The following PHYHD1 variants were observed in gnomAD, a reference collection of about 807,000 sequenced individuals.
PHYHD1 encodes the protein phytanoyl-CoA dioxygenase domain-containing protein 1.
PHYHD1 carries 42 observed loss-of-function variants against 43.6 expected under a neutral mutation model. That is an observed-to-expected ratio of 0.96 (90% CI 0.75 to 1.25). PHYHD1 has a LOEUF of 1.25. Ranked by LOEUF, PHYHD1 falls within the 50% of genes most tolerant of loss-of-function variation. The pLI, the probability that PHYHD1 is intolerant of heterozygous loss-of-function variation, is 0.00. For synonymous variants in PHYHD1, 139 were observed against 143.6 expected, an observed-to-expected ratio of 0.97 and a Z score of 0.23; for missense variants, 342 against 370.8, an observed-to-expected ratio of 0.92 and a Z score of 0.64.
At chr9:128,923,234 G>A (rs1386110283) in intron 3 of PHYHD1, among the ~76,000 whole-genome samples, 3 of 152,054 alleles carry the variant, frequency 2.0e-5, no homozygotes, top group Non-Finnish European at 2.9e-5. Context: ...GTGAGCCACC[G>A]TGCCCGGTCC....
At chr9:128,939,160 G>A (rs2131118077) in intron 9 of PHYHD1, among the ~76,000 whole-genome samples, 1 of 131,672 alleles carries the variant, frequency 7.6e-6, no homozygotes, top group Admixed American at 8.4e-5. Flanking sequence ...CAGAAAACAC[G>A]CAGTTGCCCG....
At chr9:128,940,921 C>T (rs967864403) in intron 11 of PHYHD1, among the ~76,000 whole-genome samples, 5 of 152,186 alleles carry the variant, frequency 3.3e-5, no homozygotes, top group African/African-American at 1.2e-4. Flanking sequence ...GGAATCCACA[C>T]TCTGCTACTT....
At chr9:128,938,455 CTT>C (rs2131117188) in intron 9 of PHYHD1, among the ~76,000 whole-genome samples, 1 of 152,168 alleles carries the variant, frequency 6.6e-6, no homozygotes, top group Non-Finnish European at 1.5e-5. Flanking sequence ...GAGTTTCATT[CTT>C]GTCACCCAAG....
At chr9:128,933,689 G>A (rs1275003535) in intron 4 of PHYHD1, 93 bp from the exon 5 acceptor site, 4 of 1,335,852 alleles carry the variant, frequency 3.0e-6, no homozygotes, top group Non-Finnish European at 3.2e-6. Flanking sequence ...AACCCTGTGA[G>A]GGTGGGAAGC....
At chr9:128,934,146 G>GACTTCTCAAAGTGTT in intron 6 of PHYHD1, 88 bp downstream of exon 6, 1 of 1,402,358 alleles carries the variant, frequency 7.1e-7, no homozygotes, top group Non-Finnish European at 9.9e-7. Context: ...CTAACACTTT[G>GACTTCTCAAAGTGTT]AGAAGTCAAG....
At chr9:128,926,641 C>T (rs376360968) in intron 3 of PHYHD1, among the ~76,000 whole-genome samples, 6 of 143,376 alleles carry the variant, frequency 4.2e-5, no homozygotes, top group African/African-American at 1.0e-4. Context: ...TCACTGCAAC[C>T]TCCGCCTCCT....
At chr9:128,925,338 G>C (rs1841108013) in intron 3 of PHYHD1, among the ~76,000 whole-genome samples, 1 of 150,906 alleles carries the variant, frequency 6.6e-6, no homozygotes, top group Non-Finnish European at 1.5e-5. Flanking sequence ...TGATTCTCCT[G>C]CCTCAGCCTC....
At chr9:128,922,084 CAG>C (rs1245347012) in intron 2 of PHYHD1, 37 bp downstream of exon 2, 1 of 534,078 alleles carries the variant, frequency 1.9e-6, no homozygotes, top group Non-Finnish European at 3.3e-6. Flanking sequence ...AGAAGAAACA[CAG>C]AGGAAGCAGA....
At chr9:128,936,836 C>T (rs577450442) in intron 8 of PHYHD1, among the ~76,000 whole-genome samples, 191 bp downstream of exon 8, 8 of 152,124 alleles carry the variant, frequency 5.3e-5, no homozygotes, top group Non-Finnish European at 8.8e-5. Flanking sequence ...TGGTAGGGGC[C>T]GGGCGTGGTG....
In PHYHD1 at chr9:128,940,679, G is replaced by T. The variant is rs150536256; in HGVS notation, c.667G>T (p.Asp223Tyr). ...TSFLGSEPAR[D>Y]NSLFVPTPVQ... ...CTTCCTTGGGTCAGAGCCAGCCCGG[G>T]ATAACAGCCTCTTTGTGCCCACCCC... The change falls in exon 11 of 13, where the codon GAT (aspartate) becomes TAT (tyrosine). Residue 223 changes from aspartate to tyrosine, a missense_variant. Physicochemically the swap from Asp to Tyr is radical, Grantham distance 160. Coordinates refer to ENST00000372592, the MANE Select transcript of PHYHD1 (RefSeq NM_001100876.2). 151 of 1,613,968 alleles carry T rather than the reference G, an allele frequency of 9.4e-5. No homozygotes were observed. The African/African-American group carries it at 1.6e-3, about 17-fold the overall frequency.
At chr9:128,934,394 T>C (rs1841372625) in intron 6 of PHYHD1, among the ~76,000 whole-genome samples, 1 of 141,432 alleles carries the variant, frequency 7.1e-6, no homozygotes, top group Admixed American at 7.1e-5. Flanking sequence ...TGAAACCCTG[T>C]TAAAAAAAAA....
At chr9:128,925,229 C>CTT (rs573388244) in intron 3 of PHYHD1, among the ~76,000 whole-genome samples, 6 of 141,386 alleles carry the variant, frequency 4.2e-5, no homozygotes, top group Non-Finnish European at 7.8e-5. Flanking sequence ...CTTTTTCTTT[C>CTT]TTTTTTTTTT....
intron 6 of PHYHD1, 66 bp from the exon 7 acceptor site, chr9:128,936,382 C>T: frequency 6.4e-7 from 1 of 1,560,112 alleles, no homozygotes; most frequent in South Asian, 1.2e-5. Context: ...GTGTGGGTGC[C>T]CAGAGCTGGG....
intron 4 of PHYHD1, among the ~76,000 whole-genome samples, chr9:128,931,981 C>A (rs1841291410): frequency 6.6e-6 from 1 of 150,642 alleles, no homozygotes; most frequent in African/African-American, 2.4e-5. Flanking sequence ...ATTACAGGTG[C>A]ATGCTACCAC....
At chr9:128,932,082 ACCTCAG>A (rs1218063062) in intron 4 of PHYHD1, among the ~76,000 whole-genome samples, 32 of 145,588 alleles carry the variant, frequency 2.2e-4, no homozygotes, top group Non-Finnish European at 4.1e-4. Context: ...TGATCTGCCC[ACCTCAG>A]CCTCCCAGAG....
At chr9:128,940,277 G>A in intron 9 of PHYHD1, 92 bp from the exon 10 acceptor site, 1 of 1,551,118 alleles carries the variant, frequency 6.4e-7, no homozygotes, top group Non-Finnish European at 8.8e-7. Context: ...GCCCTGGAGA[G>A]CACCCAGAGG....
At chr9:128,928,337 G>A (rs1841189819) in intron 4 of PHYHD1, among the ~76,000 whole-genome samples, 2 of 152,152 alleles carry the variant, frequency 1.3e-5, no homozygotes, top group Non-Finnish European at 2.9e-5. Context: ...GAGTAAGAAG[G>A]GCCGAATCCT....
Position 128,941,436 on chromosome 9 carries a change from C to G in PHYHD1, c.704-9C>G. ...TGGTAGGTTCCTGACCTGCTTGTGT[C>G]TCTGCCAGGGGCCCTGGTCCTCATC... On this transcript the variant is annotated splice_polypyrimidine_tract_variant and intron_variant, in intron 11 of 12. Coordinates refer to ENST00000372592, the MANE Select transcript of PHYHD1 (RefSeq NM_001100876.2). The G allele has an allele frequency of 1.2e-6, 2 of 1,612,670 alleles. No individual in the cohort carries two copies. The highest frequency in any genetic ancestry group is 1.7e-6 in the Non-Finnish European group (2 of 1,179,968).
intron 4 of PHYHD1, among the ~76,000 whole-genome samples, chr9:128,932,863 T>C (rs868361428): frequency 7.8e-6 from 1 of 128,940 alleles, no homozygotes; most frequent in Non-Finnish European, 1.6e-5. Flanking sequence ...TTATTTATTT[T>C]TTGAGACAGA....
Sources: allele counts gnomAD v4.1 joint callset (sites outside exome capture counted in the v4.1 genomes callset), GRCh38; gene constraint gnomAD v4.1.1; transcripts MANE v1.5; gene names NCBI Gene and HGNC (gene_info 2026-07-23, HGNC 2026-07-21).